The following SPG11 variants were observed in gnomAD, a reference collection of about 807,000 sequenced individuals.
The protein encoded by SPG11 is spatacsin.
Under a neutral mutation model 274.0 loss-of-function variants are expected in SPG11, and 222 were observed. The ratio of observed to expected loss-of-function variants is 0.81; its 90% CI spans 0.73 to 0.91. The LOEUF is 0.91. Among genes scored for constraint, SPG11 ranks in the 40% least tolerant of loss-of-function variants. SPG11 has a pLI of 0.00. For missense variants in SPG11, 3,114 were observed against 2,872.7 expected (o/e 1.08, Z -1.92); for synonymous variants, 1,144 against 1,039.7 (o/e 1.10, Z -1.93).
chr15:44,584,591 T>C (rs753348621), intron 29 of SPG11, 33 bp from the exon 30 acceptor site: 27 of 1,600,412 alleles, frequency 1.7e-5, no homozygotes, highest in Non-Finnish European at 2.3e-5. Context: ...TTTTAGCCTT[T>C]CTTGGATAAA....
chr15:44,571,244 T>C (rs1475952313), intron 33 of SPG11, among the ~76,000 whole-genome samples: 1 of 152,174 alleles, frequency 6.6e-6, no homozygotes, highest in Non-Finnish European at 1.5e-5. Flanking sequence ...CCCTCTCCAG[T>C]CCTACTGACT....
intron 11 of SPG11, among the ~76,000 whole-genome samples, chr15:44,623,110 G>A (rs1350619174): frequency 6.6e-6 from 1 of 152,066 alleles, no homozygotes; most frequent in South Asian, 2.1e-4. Context: ...CACCATGCCT[G>A]GCTAATTTTT....
At chr15:44,644,005 T>C (rs1323028322) in intron 7 of SPG11, among the ~76,000 whole-genome samples, 1 of 150,260 alleles carries the variant, frequency 6.7e-6, no homozygotes, top group African/African-American at 2.5e-5. Flanking sequence ...CTACTAAAAA[T>C]ACAAAAAAAA....
chr15:44,655,963 C>A (rs2084928158), intron 4 of SPG11, among the ~76,000 whole-genome samples: 1 of 152,052 alleles, frequency 6.6e-6, no homozygotes, highest in Non-Finnish European at 1.5e-5. Context: ...TTCCGGAACA[C>A]AACTGACTGG....
In SPG11 at chr15:44,615,456, G is replaced by A; in HGVS notation, c.2945C>T (p.Thr982Ile). The change falls in exon 16 of 40, where the codon ACC (threonine) becomes ATC (isoleucine). Residue 982 changes from threonine to isoleucine, a missense_variant. By Grantham distance (89) the Thr-to-Ile change is moderately conservative. Transcript: ENST00000261866. ...AGAATGGAAATCCCAACCTTCTTTGGTCTTGTAGTTTTGAACAGGGAGGGT... is the reference window on the plus strand; with the variant it reads ...AGAATGGAAATCCCAACCTTCTTTGATCTTGTAGTTTTGAACAGGGAGGGT... Reference protein sequence around the residue: ...QDTLPVQNYKTKEGWDFHSQF... With the variant: ...QDTLPVQNYKIKEGWDFHSQF... 6.2e-7 allele frequency: 1 copy of A among 1,614,064 alleles called. No homozygotes were observed. Among genetic ancestry groups the A allele is most frequent in the Non-Finnish European group, 8.5e-7 (1 of 1,179,998 alleles).
chr15:44,567,115 G>A (rs2082325459), intron 36 of SPG11, among the ~76,000 whole-genome samples: 1 of 151,940 alleles, frequency 6.6e-6, no homozygotes, highest in South Asian at 2.1e-4. Context: ...ACTTTGGGAG[G>A]CCAACGTGGG....
intron 15 of SPG11, 181 bp downstream of exon 15, chr15:44,620,009 C>T: frequency 1.6e-6 from 1 of 615,866 alleles, no homozygotes; most frequent in Non-Finnish European, 2.8e-6. Flanking sequence ...AGCCACCGCA[C>T]TTGGCCAAAT....
chr15:44,574,939 T>C lies in SPG11; in HGVS notation c.5969A>G (p.Tyr1990Cys), dbSNP rs199920965. ...ATACAGACAGAGGACCTGTCGACAG[T>C]AGTTCTTCCCATGGAGGCATTTGCT... ...LTSKCLHGKN[Y>C]CRQVLCLYDL... Residue 1990 changes from tyrosine (Y) to cysteine (C), a missense_variant, in exon 31 of 40, where the codon TAC becomes TGC. Physicochemically the swap from Tyr to Cys is radical, Grantham distance 194. Transcript: ENST00000261866. 2.4e-5 allele frequency: 39 copies of C among 1,614,084 alleles called. No homozygotes were observed. The African/African-American group carries it at 4.3e-4, about 18-fold the overall frequency.
chr15:44,573,221 G>A (rs906968432), intron 32 of SPG11: 12 of 519,226 alleles, frequency 2.3e-5, no homozygotes, highest in East Asian at 1.1e-4. Flanking sequence ...TCCTGACCTC[G>A]TGATCTGCCA....
At chr15:44,622,493 A>G in intron 12 of SPG11, 146 bp from the exon 13 acceptor site, 1 of 787,834 alleles carries the variant, frequency 1.3e-6, no homozygotes, top group Non-Finnish European at 2.0e-6. Context: ...CAAGAATTAT[A>G]TTTTGAACAT....
chr15:44,598,468 C>G, intron 22 of SPG11, 95 bp from the exon 23 acceptor site: 10 of 1,326,426 alleles, frequency 7.5e-6, no homozygotes, highest in South Asian at 1.2e-5. Context: ...CATTTCAGAA[C>G]CCAATTAAAG....
intron 8 of SPG11, among the ~76,000 whole-genome samples, chr15:44,632,427 TAA>T (rs1180366724): frequency 1.5e-4 from 23 of 152,048 alleles, no homozygotes; most frequent in Admixed American, 1.5e-3. Flanking sequence ...GGTCTAAGAA[TAA>T]AAGTTAGGCT....
intron 7 of SPG11, among the ~76,000 whole-genome samples, chr15:44,646,642 A>G (rs2084619110): frequency 6.6e-6 from 1 of 152,224 alleles, no homozygotes; most frequent in Admixed American, 6.5e-5. Flanking sequence ...AATACTATGC[A>G]GCCATAAAAA....
chr15:44,563,645 T>TC (rs1475302271), intron 39 of SPG11, among the ~76,000 whole-genome samples: 1 of 152,006 alleles, frequency 6.6e-6, no homozygotes, highest in Admixed American at 6.6e-5. Context: ...CCCTTTTTTT[T>TC]CTCTCTTAAA....
chr15:44,658,511 T>C (rs1016822428), intron 3 of SPG11, among the ~76,000 whole-genome samples: 5 of 150,442 alleles, frequency 3.3e-5, no homozygotes, highest in Non-Finnish European at 1.5e-5. Context: ...TAGGCTGGAG[T>C]GCAGTGGTAC....
intron 22 of SPG11, 66 bp from the exon 23 acceptor site, chr15:44,598,439 G>A: frequency 6.8e-7 from 1 of 1,466,396 alleles, no homozygotes; most frequent in African/African-American, 1.4e-5. Context: ...ATTTCTGTTT[G>A]AATAGTGTGG....
chr15:44,563,685 A>G (rs2082245670), intron 39 of SPG11, among the ~76,000 whole-genome samples: 1 of 152,142 alleles, frequency 6.6e-6, no homozygotes, highest in East Asian at 1.9e-4. Context: ...TGTGTTGCCC[A>G]GGCTGGAGTA....
intron 18 of SPG11, among the ~76,000 whole-genome samples, chr15:44,609,913 T>G (rs957356220): frequency 2.1e-5 from 3 of 145,396 alleles, no homozygotes; most frequent in African/African-American, 7.8e-5. Context: ...TTTTTTTTTT[T>G]TTTTTTTGAG....
intron 32 of SPG11, 25 bp from the exon 33 acceptor site, chr15:44,572,845 G>GT: frequency 6.2e-7 from 1 of 1,613,812 alleles, no homozygotes; most frequent in Non-Finnish European, 8.5e-7. Flanking sequence ...GTGAAGACAG[G>GT]TGCTGGTTTT....
Sources: gnomAD v4.1 joint callset for allele counts (sites outside exome capture counted in the v4.1 genomes callset) on GRCh38, gnomAD v4.1.1 for gene constraint, MANE v1.5 for transcripts, NCBI Gene and HGNC (gene_info 2026-07-23, HGNC 2026-07-21) for gene names.